ZFHX3: variants seen among roughly 807,000 people sequenced by gnomAD.
The protein encoded by ZFHX3 is zinc finger homeobox 3, also known as zinc finger homeobox protein 3.
ZFHX3 carries 42 observed loss-of-function variants against 279.1 expected under a neutral mutation model. The observed-to-expected ratio is 0.15, with a 90% CI of 0.12 to 0.19. The LOEUF (loss-of-function observed/expected upper bound fraction) is 0.19. ZFHX3 is among the 10% of genes least tolerant of loss of function. The probability of loss-of-function intolerance (pLI) is 1.00; values close to 1 mark genes in which losing one functional copy is unlikely to be tolerated. For synonymous variants in ZFHX3, 2,293 were observed against 1,957.8 expected (o/e 1.17, Z -4.52); for missense variants, 4,981 against 4,754.0 (o/e 1.05, Z -1.40).
At chr16:73,330,393 G>T (rs2015778742) in intron 3 of ZFHX3, among the ~76,000 whole-genome samples, 1 of 152,188 alleles carries the variant, frequency 6.6e-6, no homozygotes, top group South Asian at 2.1e-4. Flanking sequence ...TACACGTGTG[G>T]TTTAGGGTAG....
At chr16:72,956,198 C>A (rs984041207) in intron 2 of ZFHX3, among the ~76,000 whole-genome samples, 1 of 152,230 alleles carries the variant, frequency 6.6e-6, no homozygotes, top group African/African-American at 2.4e-5. Context: ...AAACACCACA[C>A]AAATAAACAC....
intron 4 of ZFHX3, among the ~76,000 whole-genome samples, chr16:72,864,449 A>C (rs1476646): frequency 0.25 from 38,195 of 150,448 alleles, 6,002 homozygotes; most frequent in Non-Finnish European, 0.37. Context: ...TTGTCTTTGT[A>C]GGAAGTCTTG....
At chr16:72,931,404 TACACACAC>T (rs59696404) in intron 3 of ZFHX3, among the ~76,000 whole-genome samples, 17,114 of 119,852 alleles carry the variant, frequency 0.14, 1,592 homozygotes, top group East Asian at 0.42. Context: ...TTTATTTCAT[TACACACAC>T]ACACACACAC....
chr16:73,837,795 C>A (rs1961183509), intron 1 of ZFHX3, among the ~76,000 whole-genome samples: 1 of 152,196 alleles, frequency 6.6e-6, no homozygotes, highest in Non-Finnish European at 1.5e-5. Context: ...CGCCACCACG[C>A]CCGGCTAATT....
chr16:73,147,175 C>T (rs1393016382), intron 5 of ZFHX3, among the ~76,000 whole-genome samples: 1 of 152,144 alleles, frequency 6.6e-6, no homozygotes, highest in Non-Finnish European at 1.5e-5. Context: ...TGGCATGACT[C>T]GAGGTACTAC....
chr16:73,787,936 A>T (rs1395298096), intron 1 of ZFHX3, among the ~76,000 whole-genome samples: 1 of 151,980 alleles, frequency 6.6e-6, no homozygotes, highest in Non-Finnish European at 1.5e-5. Context: ...GCCCAGCAGG[A>T]AGCAATTCAC....
chr16:73,672,885 T>C (rs1255908743), intron 2 of ZFHX3, among the ~76,000 whole-genome samples: 1 of 152,158 alleles, frequency 6.6e-6, no homozygotes, highest in East Asian at 1.9e-4. Flanking sequence ...TTTTATTAGA[T>C]AGATTGTTTT....
intron 1 of ZFHX3, among the ~76,000 whole-genome samples, chr16:73,735,234 A>G (rs896903582): frequency 6.6e-6 from 1 of 152,156 alleles, no homozygotes; most frequent in African/African-American, 2.4e-5. Flanking sequence ...ATTTGGAATG[A>G]AATCTTGTGA....
intron 2 of ZFHX3, chr16:73,456,372 ATCT>A (rs2018371800): frequency 6.6e-6 from 1 of 151,942 alleles, no homozygotes; most frequent in Non-Finnish European, 1.5e-5. Context: ...TTCCTCCTTT[ATCT>A]TCTTCTGCAG....
In ZFHX3 at chr16:72,901,620, C is replaced by T. The variant is rs952775527; in HGVS notation, c.3217-11658G>A. Among the ~76,000 whole-genome samples the T allele has an allele frequency of 5.3e-5, 8 of 152,306 alleles. 1 individual carries two copies. In the South Asian group the frequency reaches 8.3e-4, roughly 16 times the overall value. ...CGTCGATCACTCTGGCTGATGCAGACATTTCACTTTTTCTCCTTAAATTCC... is the reference window on the plus strand; with the variant it reads ...CGTCGATCACTCTGGCTGATGCAGATATTTCACTTTTTCTCCTTAAATTCC... On this transcript the variant is annotated intron_variant, in intron 3 of 9. Transcript: ENST00000268489.
chr16:73,152,849 G>C (rs1169719500), intron 5 of ZFHX3, among the ~76,000 whole-genome samples: 1 of 151,766 alleles, frequency 6.6e-6, no homozygotes, highest in Non-Finnish European at 1.5e-5. Flanking sequence ...GTAATCGCGA[G>C]AAGAGAGGGC....
At chr16:72,897,129 G>C (rs1171669626) in intron 3 of ZFHX3, among the ~76,000 whole-genome samples, 2 of 152,216 alleles carry the variant, frequency 1.3e-5, no homozygotes. Flanking sequence ...AGGCAGGCAG[G>C]AGAGCCTGTC....
At chr16:73,382,300 A>G (rs1300278418) in intron 3 of ZFHX3, among the ~76,000 whole-genome samples, 1 of 152,244 alleles carries the variant, frequency 6.6e-6, no homozygotes, top group Admixed American at 6.5e-5. Context: ...TAAAACTTTT[A>G]TACGACGAAG....
At chr16:73,857,227 C>T (rs1055804160) in intron 1 of ZFHX3, among the ~76,000 whole-genome samples, 1 of 152,144 alleles carries the variant, frequency 6.6e-6, no homozygotes. Flanking sequence ...TAAATTAGGG[C>T]TTAGAAATAA....
chr16:73,519,661 C>A (rs1364927002), intron 2 of ZFHX3, among the ~76,000 whole-genome samples: 1 of 152,132 alleles, frequency 6.6e-6, no homozygotes, highest in African/African-American at 2.4e-5. Flanking sequence ...TCATCAGAGT[C>A]TCTATTCCCA....
intron 1 of ZFHX3, among the ~76,000 whole-genome samples, chr16:73,824,432 G>C (rs1323132375): frequency 7.4e-6 from 1 of 134,736 alleles, no homozygotes; most frequent in Admixed American, 7.6e-5. Flanking sequence ...TTAAGTTTTA[G>C]GGTACATGTG....
upstream of ZFHX3, among the ~76,000 whole-genome samples, chr16:73,059,871 A>G (rs1965658800): frequency 6.6e-6 from 1 of 152,072 alleles, no homozygotes; most frequent in Non-Finnish European, 1.5e-5. Context: ...TTAGAAGGAG[A>G]GAGGAAGAGA....
intron 1 of ZFHX3, among the ~76,000 whole-genome samples, chr16:73,788,751 G>C (rs777330756): frequency 6.6e-6 from 1 of 150,864 alleles, no homozygotes; most frequent in Admixed American, 6.6e-5. Context: ...TCTATATATA[G>C]ATCATGAGGT....
chr16:73,070,936 GCGCA>G (rs1418121834), intron 8 of ZFHX3, among the ~76,000 whole-genome samples: 3 of 9,972 alleles, frequency 3.0e-4, no homozygotes, highest in African/African-American at 4.1e-4. Flanking sequence ...GCGCGCGCGC[GCGCA>G]CACACACACA....
Sources: gnomAD v4.1 joint callset for allele counts (sites outside exome capture counted in the v4.1 genomes callset) on GRCh38, gnomAD v4.1.1 for gene constraint, MANE v1.5 for transcripts, NCBI Gene and HGNC (gene_info 2026-07-23, HGNC 2026-07-21) for gene names.